Variants in ERC2 observed in about 807,000 individuals in gnomAD.
ERC2 encodes ERC protein 2.
In ERC2, 42 loss-of-function variants were observed where a neutral mutation model predicts 114.8. The observed-to-expected ratio is 0.37, with a 90% CI of 0.29 to 0.47. The LOEUF (loss-of-function observed/expected upper bound fraction) is 0.47, where lower values mean the gene tolerates loss of function less well. Ranked by LOEUF, ERC2 falls within the 20% of genes least tolerant of loss-of-function variation. ERC2 has a pLI of 0.99. For missense variants in ERC2, 939 were observed against 1,150.7 expected, an observed-to-expected ratio of 0.82 and a Z score of 2.66; for synonymous variants, 454 against 425.5, an observed-to-expected ratio of 1.07 and a Z score of -0.82.
intron 13 of ERC2, among the ~76,000 whole-genome samples, chr3:55,936,114 G>A (rs1024529585): frequency 6.6e-6 from 1 of 152,118 alleles, no homozygotes; most frequent in African/African-American, 2.4e-5. Flanking sequence ...TTGAGTCTCA[G>A]GCAGAACACA....
intron 14 of ERC2, among the ~76,000 whole-genome samples, chr3:55,813,913 C>T (rs2059811337): frequency 6.6e-6 from 1 of 152,196 alleles, no homozygotes; most frequent in Non-Finnish European, 1.5e-5. Flanking sequence ...CACTTTTCAA[C>T]TTCTTCTCAT....
intron 3 of ERC2, among the ~76,000 whole-genome samples, chr3:56,284,785 T>C (rs890973574): frequency 6.6e-6 from 1 of 152,068 alleles, no homozygotes; most frequent in African/African-American, 2.4e-5. Context: ...TTTCACAAAG[T>C]CCCAATCTTC....
chr3:56,021,428 A>G (rs1262561723), intron 7 of ERC2, among the ~76,000 whole-genome samples: 1 of 152,140 alleles, frequency 6.6e-6, no homozygotes, highest in Non-Finnish European at 1.5e-5. Flanking sequence ...TTTGGTTTAT[A>G]TTTATACATA....
chr3:55,681,410 A>T lies in ERC2; in HGVS notation c.*39+2384T>A, dbSNP rs546077464. Among the ~76,000 whole-genome samples, 174 of 152,344 alleles carry T rather than the reference A, an allele frequency of 1.1e-3. 1 individual carries two copies. The highest frequency in any genetic ancestry group is 4.0e-3 in the African/African-American group (168 of 41,584). The stretch of plus-strand genomic sequence containing the variant: ...TTTCTTTTATAGGGGCCATAAATCA[A>T]AACATTGAAAACAGTTAATTTTTAA... On this transcript the variant is annotated intron_variant, in intron 17 of 17. Transcript: ENST00000288221.
chr3:55,981,750 A>G (rs902703944), intron 12 of ERC2, among the ~76,000 whole-genome samples: 2 of 152,182 alleles, frequency 1.3e-5, no homozygotes, highest in African/African-American at 4.8e-5. Flanking sequence ...TAGAAAACCA[A>G]TGACATCTTT....
chr3:55,741,789 A>G (rs569503079), intron 14 of ERC2, among the ~76,000 whole-genome samples: 1 of 152,200 alleles, frequency 6.6e-6, no homozygotes, highest in East Asian at 1.9e-4. Context: ...AAGATAAGAT[A>G]ATGTGAAGAG....
At chr3:55,620,617 G>T (rs2059288309) in intron 17 of ERC2, among the ~76,000 whole-genome samples, 1 of 151,798 alleles carries the variant, frequency 6.6e-6, no homozygotes, top group South Asian at 2.1e-4. Flanking sequence ...TCTTGGATTT[G>T]TCACAGTGTA....
intron 13 of ERC2, among the ~76,000 whole-genome samples, chr3:55,932,183 A>T (rs1028197068): frequency 2.4e-4 from 36 of 152,322 alleles, no homozygotes; most frequent in African/African-American, 8.4e-4. Context: ...GCTAGGCTAG[A>T]GAAAAGCTTC....
intron 2 of ERC2, among the ~76,000 whole-genome samples, chr3:56,426,761 G>A (rs566011027): frequency 6.6e-6 from 1 of 152,350 alleles, no homozygotes; most frequent in African/African-American, 2.4e-5. Context: ...CCAACCTGCA[G>A]ATATGTGAGG....
chr3:56,105,299 T>C (rs759471578), intron 6 of ERC2, among the ~76,000 whole-genome samples: 1 of 151,880 alleles, frequency 6.6e-6, no homozygotes, highest in Non-Finnish European at 1.5e-5. Flanking sequence ...GAGGGTTTTT[T>C]GTTATTATTG....
rs574243953 is a variant in ERC2 at position 56,046,390 on chromosome 3, C to T, written c.1642-27359G>A. Among the ~76,000 whole-genome samples the T allele has an allele frequency of 5.3e-5, 8 of 152,274 alleles. No individual in the cohort carries two copies. The South Asian group carries it at 1.5e-3, about 28-fold the overall frequency. Reference sequence around the variant, plus strand: ...GCGAGTAAGCTCCTCCTCCCTTGCACCTTCCTTAAGAACAGCATAGACATC... The same window carrying T: ...GCGAGTAAGCTCCTCCTCCCTTGCATCTTCCTTAAGAACAGCATAGACATC... On this transcript the variant is annotated intron_variant, in intron 7 of 17. Transcript: ENST00000288221.
At chr3:55,752,645 A>G (rs1356175111) in intron 14 of ERC2, among the ~76,000 whole-genome samples, 2 of 152,214 alleles carry the variant, frequency 1.3e-5, no homozygotes, top group Non-Finnish European at 2.9e-5. Flanking sequence ...GCTGCACAAC[A>G]ATCTAATGAG....
chr3:56,251,056 T>G (rs916377198), intron 3 of ERC2, among the ~76,000 whole-genome samples: 4 of 152,206 alleles, frequency 2.6e-5, no homozygotes, highest in African/African-American at 9.6e-5. Context: ...CACTGCCATC[T>G]AAACACGATA....
chr3:56,426,229 G>A (rs1229304858), intron 2 of ERC2, among the ~76,000 whole-genome samples: 1 of 152,196 alleles, frequency 6.6e-6, no homozygotes, highest in African/African-American at 2.4e-5. Flanking sequence ...GAGAAGGTAA[G>A]GGATAAGACA....
At chr3:55,591,630 C>T (rs900985699) in intron 17 of ERC2, among the ~76,000 whole-genome samples, 3 of 151,676 alleles carry the variant, frequency 2.0e-5, no homozygotes, top group African/African-American at 7.3e-5. Flanking sequence ...ACCAAAGCAG[C>T]AGCTGACCAA....
At chr3:56,056,337 G>A (rs9881155) in intron 7 of ERC2, among the ~76,000 whole-genome samples, 96,749 of 152,078 alleles carry the variant, frequency 0.64, 32,059 homozygotes, top group East Asian at 0.74. Flanking sequence ...TCAATGTCAT[G>A]AGGGTGTTGC....
intron 6 of ERC2, among the ~76,000 whole-genome samples, chr3:56,130,390 T>C (rs547933838): frequency 1.3e-5 from 2 of 152,326 alleles, no homozygotes; most frequent in East Asian, 3.9e-4. Flanking sequence ...CAATGAATTT[T>C]CCTAATCCAT....
chr3:55,828,316 A>G (rs1427172548), intron 14 of ERC2, among the ~76,000 whole-genome samples: 4 of 152,218 alleles, frequency 2.6e-5, no homozygotes, highest in African/African-American at 9.6e-5. Flanking sequence ...GCAACCACAA[A>G]ATAAAAATTC....
chr3:56,222,896 AG>A (rs1472263664), intron 3 of ERC2, among the ~76,000 whole-genome samples: 1 of 152,260 alleles, frequency 6.6e-6, no homozygotes, highest in Admixed American at 6.5e-5. Flanking sequence ...GCAGAGCTTC[AG>A]GCAATGCCTG....
Sources: allele counts gnomAD v4.1 joint callset (sites outside exome capture counted in the v4.1 genomes callset), GRCh38; gene constraint gnomAD v4.1.1; transcripts MANE v1.5; gene names NCBI Gene and HGNC (gene_info 2026-07-23, HGNC 2026-07-21).